GALM: variants seen among roughly 807,000 people sequenced by gnomAD.
GALM encodes the protein galactose mutarotase, also known as aldose 1-epimerase.
A neutral mutation model predicts 37.4 loss-of-function variants in GALM; 43 were observed. The ratio of observed to expected loss-of-function variants is 1.15; its 90% CI spans 0.90 to 1.48. The LOEUF is 1.48. Ranked by LOEUF, GALM falls within the 40% of genes most tolerant of loss-of-function variation. The pLI is 0.00. For synonymous variants in GALM, 199 were observed against 170.6 expected, an observed-to-expected ratio of 1.17 and a Z score of -1.30; for missense variants, 456 against 419.1, an observed-to-expected ratio of 1.09 and a Z score of -0.77.
chr2:38,667,279 T>G (rs1664967814), intron 1 of GALM, among the ~76,000 whole-genome samples: 1 of 152,118 alleles, frequency 6.6e-6, no homozygotes, highest in South Asian at 2.1e-4. Flanking sequence ...AGAGGAGGTT[T>G]GAGGTTTTCC....
intron 3 of GALM, 49 bp downstream of exon 3, chr2:38,681,535 C>G: frequency 6.8e-7 from 1 of 1,472,784 alleles, no homozygotes; most frequent in Non-Finnish European, 9.5e-7. Context: ...GTGGAATGTC[C>G]TGGGCTGTGG....
At chr2:38,667,244 T>C (rs919893631) in intron 1 of GALM, among the ~76,000 whole-genome samples, 1 of 152,098 alleles carries the variant, frequency 6.6e-6, no homozygotes, top group African/African-American at 2.4e-5. Context: ...TGCTCAGTGG[T>C]TGGGGCGTAG....
At chr2:38,675,543 T>TTGTGTGTG (rs1160196072) in intron 1 of GALM, among the ~76,000 whole-genome samples, 72 of 33,632 alleles carry the variant, frequency 2.1e-3, no homozygotes, top group Non-Finnish European at 3.1e-3. Flanking sequence ...TTTTTTTTTT[T>TTGTGTGTG]TGTGTGTGTG....
At chr2:38,672,547 G>C (rs2148424416) in intron 1 of GALM, among the ~76,000 whole-genome samples, 1 of 152,258 alleles carries the variant, frequency 6.6e-6, no homozygotes, top group Non-Finnish European at 1.5e-5. Context: ...CACATAATTT[G>C]ATACTGAAGA....
chr2:38,697,900 G>A (rs1255695765), intron 4 of GALM, among the ~76,000 whole-genome samples: 1 of 151,914 alleles, frequency 6.6e-6, no homozygotes, highest in East Asian at 1.9e-4. Context: ...GCAGCCATGA[G>A]CACCTGTTTT....
intron 1 of GALM, among the ~76,000 whole-genome samples, chr2:38,675,526 GT>G (rs869119386): frequency 2.7e-3 from 204 of 74,516 alleles, no homozygotes; most frequent in Middle Eastern, 8.5e-3. Flanking sequence ...GGGTTTTTTT[GT>G]TTTTTTTTTT....
In GALM at chr2:38,676,050, T is replaced by A. The variant is rs747661721; in HGVS notation, c.329T>A (p.Val110Asp). The A allele has an allele frequency of 3.1e-6, 5 of 1,613,456 alleles. No individual in the cohort carries two copies. The highest frequency in any genetic ancestry group is 4.2e-6 in the Non-Finnish European group (5 of 1,179,924). Reference sequence around the variant, plus strand: ...GAACCCAACAGTCTGCATGGAGGAGTCAGAGGGTTTGATAAAGTAAGTACG... The same window carrying A: ...GAACCCAACAGTCTGCATGGAGGAGACAGAGGGTTTGATAAAGTAAGTACG... ...NKEPNSLHGG[V>D]RGFDKVLWTP... The change falls in exon 2 of 7, where the codon GTC becomes GAC. Residue 110 changes from valine (V) to aspartate (D), a missense_variant. Transcript: ENST00000272252.
rs1666558840 is a variant in GALM, at chr2:38,729,673, C to G, written c.752C>G (p.Ser251Cys). The change falls in exon 5 of 7, where the codon TCT (serine) becomes TGT (cysteine). Residue 251 changes from serine to cysteine, a missense_variant. Coordinates refer to ENST00000272252, the MANE Select transcript of GALM (RefSeq NM_138801.3). ...GACCACAATTTCTGTCTGAAGGGAT[C>G]TAAAGAAAAGCATTTTTGTGCAAGG... ...GFDHNFCLKG[S>C]KEKHFCARVH... 1 of 1,613,332 alleles carries G rather than the reference C, an allele frequency of 6.2e-7. No homozygotes were observed. The highest frequency in any genetic ancestry group is 1.3e-5 in the African/African-American group (1 of 75,026).
chr2:38,728,120 G>A (rs867980492), intron 4 of GALM, among the ~76,000 whole-genome samples: 59 of 142,916 alleles, frequency 4.1e-4, no homozygotes, highest in African/African-American at 1.3e-3. Context: ...TAGGCCAGGA[G>A]TGGTGGCTCA....
intron 4 of GALM, among the ~76,000 whole-genome samples, chr2:38,701,363 G>A (rs1389638481): frequency 1.3e-5 from 2 of 151,852 alleles, no homozygotes; most frequent in African/African-American, 4.8e-5. Flanking sequence ...TAATTTTGCT[G>A]CTCTTTATTT....
chr2:38,696,850 C>T (rs373955629), intron 4 of GALM, among the ~76,000 whole-genome samples: 108 of 126,084 alleles, frequency 8.6e-4, no homozygotes, highest in African/African-American at 3.0e-3. Context: ...AGTGCAGTGG[C>T]GCGATCTCAG....
rs528092061 is a variant in GALM, at chr2:38,689,854, G to T, written c.594G>T (p.Ala198=). ...ATGACCATGAAGTCACCATAGAAGC[G>T]GATACTTATTTGCCTGTGGATGAAA... ...NINDHEVTIE[A]DTYLPVDETL... is the part of the protein sequence containing the mutation. The change falls in exon 4 of 7, where the codon GCG becomes GCT. Residue 198 remains alanine, a synonymous_variant. Coordinates refer to ENST00000272252, the MANE Select transcript of GALM (RefSeq NM_138801.3). 1.2e-6 allele frequency: 2 copies of T among 1,612,166 alleles called. No homozygotes were observed. The highest frequency in any genetic ancestry group is 1.7e-6 in the Non-Finnish European group (2 of 1,178,682).
chr2:38,695,151 AGT>A (rs1193695178), intron 4 of GALM, among the ~76,000 whole-genome samples: 1 of 152,020 alleles, frequency 6.6e-6, no homozygotes, highest in Non-Finnish European at 1.5e-5. Flanking sequence ...GGCCGGGTGC[AGT>A]GTCTCATGCT....
chr2:38,700,935 A>G (rs943808941), intron 4 of GALM, among the ~76,000 whole-genome samples: 4 of 151,838 alleles, frequency 2.6e-5, no homozygotes, highest in Admixed American at 6.6e-5. Context: ...CTTGATAGTA[A>G]TTATCATTTC....
At chr2:38,694,662 C>T (rs1265864581) in intron 4 of GALM, among the ~76,000 whole-genome samples, 4 of 151,810 alleles carry the variant, frequency 2.6e-5, no homozygotes, top group East Asian at 3.9e-4. Flanking sequence ...TCTGGGAGGC[C>T]GAGGCGGATG....
Position 38,675,892 on chromosome 2 carries a change from G to C in GALM, c.191-20G>C. On this transcript the variant is annotated intron_variant, in intron 1 of 6. Transcript: ENST00000272252. ...CCTGAATTGAAGTTTTAAAAGTGCT[G>C]TCATCCCTTGTCCTTGCAGGATACC... The C allele has an allele frequency of 6.2e-7, 1 of 1,613,490 alleles. No individual in the cohort carries two copies. The highest frequency in any genetic ancestry group is 2.2e-5 in the East Asian group (1 of 44,848).
chr2:38,681,848 C>G (rs905641507), intron 3 of GALM, among the ~76,000 whole-genome samples: 2 of 152,194 alleles, frequency 1.3e-5, no homozygotes, highest in African/African-American at 4.8e-5. Context: ...ACCCTTGGAG[C>G]TTTGGAAATG....
At chr2:38,719,410 A>G (rs534594848) in intron 4 of GALM, among the ~76,000 whole-genome samples, 1 of 147,558 alleles carries the variant, frequency 6.8e-6, no homozygotes, top group African/African-American at 2.5e-5. Context: ...TGGAGGTTGC[A>G]GTGGGCCGAG....
intron 1 of GALM, chr2:38,669,124 C>T (rs533171778): frequency 1.4e-3 from 208 of 152,304 alleles, no homozygotes; most frequent in African/African-American, 4.6e-3. Flanking sequence ...GACCACCCCT[C>T]ATATTGCCTT....
Sources: gnomAD v4.1 joint callset for allele counts (sites outside exome capture counted in the v4.1 genomes callset) on GRCh38, gnomAD v4.1.1 for gene constraint, MANE v1.5 for transcripts, NCBI Gene and HGNC (gene_info 2026-07-23, HGNC 2026-07-21) for gene names.